TRIM36: variants seen among roughly 807,000 people sequenced by gnomAD.
The protein encoded by TRIM36 is tripartite motif containing 36, also known as E3 ubiquitin-protein ligase TRIM36.
TRIM36 carries 42 observed loss-of-function variants against 72.4 expected under a neutral mutation model. The ratio of observed to expected loss-of-function variants is 0.58; its 90% CI spans 0.45 to 0.75. The LOEUF is 0.75. Among genes scored for constraint, TRIM36 ranks in the 30% least tolerant of loss-of-function variants. TRIM36 has a pLI of 0.00. For synonymous variants in TRIM36, 315 were observed against 282.8 expected (o/e 1.11, Z -1.14); for missense variants, 913 against 857.1 (o/e 1.07, Z -0.81).
chr5:115,146,344 T>C (rs1753592866), intron 3 of TRIM36, among the ~76,000 whole-genome samples: 1 of 152,208 alleles, frequency 6.6e-6, no homozygotes, highest in Admixed American at 6.5e-5. Flanking sequence ...CACTTAAAAA[T>C]GCAAGTAGAT....
intron 8 of TRIM36, among the ~76,000 whole-genome samples, chr5:115,131,505 G>A (rs149910652): frequency 1.3e-3 from 199 of 152,222 alleles, no homozygotes; most frequent in Middle Eastern, 3.4e-3. Context: ...ACTCCCATAA[G>A]TCTGTATCAA....
At position 115,156,277 on chromosome 5, in the gene TRIM36, T is replaced by A. The variant is rs1044425467; in HGVS notation, c.262+7241A>T. Among the ~76,000 whole-genome samples, 10 of 151,512 alleles carry A rather than the reference T, an allele frequency of 6.6e-5. No homozygotes were observed. The East Asian group carries it at 1.9e-3, about 29-fold the overall frequency. On this transcript the variant is annotated intron_variant, in intron 2 of 9. Coordinates refer to ENST00000513154, the MANE Select transcript of TRIM36 (RefSeq NM_001300759.2). Reference sequence around the variant, plus strand: ...AAATTCCATGCAGTCCCCATCAAAATACCACCATCATTCATCACAAATTAA... The same window carrying A: ...AAATTCCATGCAGTCCCCATCAAAAAACCACCATCATTCATCACAAATTAA...
chr5:115,137,310 G>A, intron 6 of TRIM36, 53 bp downstream of exon 6: 1 of 1,555,734 alleles, frequency 6.4e-7, no homozygotes, highest in Admixed American at 1.9e-5. Flanking sequence ...ATACACAGCA[G>A]CATTTAATAA....
chr5:115,144,481 TAACTC>T (rs1753467267), intron 4 of TRIM36, 112 bp downstream of exon 4: 2 of 1,261,510 alleles, frequency 1.6e-6, no homozygotes, highest in East Asian at 5.0e-5. Flanking sequence ...AGTAACACTT[TAACTC>T]ATTTTAGTAC....
At chr5:115,162,533 T>C (rs1409765112) in intron 2 of TRIM36, among the ~76,000 whole-genome samples, 5 of 152,222 alleles carry the variant, frequency 3.3e-5, no homozygotes, top group Non-Finnish European at 7.3e-5. Context: ...AATCTTAACA[T>C]TAAAAGCCTA....
chr5:115,139,642 T>C (rs1340621027), intron 5 of TRIM36, among the ~76,000 whole-genome samples: 1 of 152,212 alleles, frequency 6.6e-6, no homozygotes, highest in Non-Finnish European at 1.5e-5. Context: ...TCATTATAGA[T>C]AGATTTTTTT....
intron 2 of TRIM36, among the ~76,000 whole-genome samples, chr5:115,153,042 C>CAACTGAAT (rs1425624235): frequency 1.3e-5 from 2 of 151,950 alleles, no homozygotes; most frequent in Non-Finnish European, 2.9e-5. Flanking sequence ...ATCTCAATAC[C>CAACTGAAT]AACTGAATGT....
upstream of TRIM36, among the ~76,000 whole-genome samples, chr5:115,171,976 T>C (rs1191122770): frequency 2.0e-5 from 3 of 152,254 alleles, no homozygotes; most frequent in Admixed American, 6.5e-5. Context: ...TAAGACCTTA[T>C]ATTAGTCTAG....
At chr5:115,137,287 A>T in intron 6 of TRIM36, 76 bp downstream of exon 6, 1 of 1,528,170 alleles carries the variant, frequency 6.5e-7, no homozygotes, top group Non-Finnish European at 8.8e-7. Flanking sequence ...GACCAATCAG[A>T]GCTAAAGTGA....
At chr5:115,166,499 C>A (rs1754783128) in intron 1 of TRIM36, among the ~76,000 whole-genome samples, 1 of 152,158 alleles carries the variant, frequency 6.6e-6, no homozygotes, top group South Asian at 2.1e-4. Context: ...AAAGCAGCTA[C>A]CCATGACAGG....
In TRIM36 at chr5:115,137,581, T is replaced by C. The variant is rs751102823; in HGVS notation, c.867A>G (p.Thr289=). The change falls in exon 6 of 10, where the codon ACA becomes ACG. Residue 289 remains threonine (T), a synonymous_variant. Transcript: ENST00000513154. ...GAACTTCAAAGAGCTTTTCAAAATG[T>C]GTAATTGCTTCTTCTTTAGCCCTCT... ...NGERAKEEAI[T]HFEKLFEVLE... is the part of the protein sequence containing the mutation. The C allele has an allele frequency of 2.5e-6, 4 of 1,612,512 alleles. No individual in the cohort carries two copies. Among genetic ancestry groups the C allele is most frequent in the Non-Finnish European group, 3.4e-6 (4 of 1,179,484 alleles).
chr5:115,160,086 GA>G (rs1178784148), intron 2 of TRIM36, among the ~76,000 whole-genome samples: 1 of 151,370 alleles, frequency 6.6e-6, no homozygotes, highest in Non-Finnish European at 1.5e-5. Context: ...AAACTGGGGG[GA>G]AAGCTTACTG....
At chr5:115,151,890 C>G (rs1488710899) in intron 2 of TRIM36, among the ~76,000 whole-genome samples, 2 of 152,188 alleles carry the variant, frequency 1.3e-5, no homozygotes, top group African/African-American at 4.8e-5. Context: ...CAACCTTGAG[C>G]CCTAACATTT....
chr5:115,132,617 T>A (rs189672976), intron 8 of TRIM36, among the ~76,000 whole-genome samples: 3 of 152,034 alleles, frequency 2.0e-5, no homozygotes, highest in Non-Finnish European at 4.4e-5. Flanking sequence ...CTGACCATTC[T>A]TCCTGCTAAT....
At chr5:115,171,606 T>G (rs1755120247), upstream of TRIM36, among the ~76,000 whole-genome samples, 1 of 152,218 alleles carries the variant, frequency 6.6e-6, no homozygotes, top group South Asian at 2.1e-4. Flanking sequence ...GATCCAAAAC[T>G]TATTAGTTGA....
At chr5:115,136,978 T>A in intron 7 of TRIM36, 22 bp downstream of exon 7, 1 of 1,548,690 alleles carries the variant, frequency 6.5e-7, no homozygotes, top group Non-Finnish European at 8.7e-7. Context: ...AGAATGAGGT[T>A]TTTGCCTTCA....
At chr5:115,154,200 A>C (rs906357228) in intron 2 of TRIM36, among the ~76,000 whole-genome samples, 2 of 152,202 alleles carry the variant, frequency 1.3e-5, no homozygotes, top group South Asian at 2.1e-4. Context: ...CTAAGACGAA[A>C]GTTCACAGCC....
At chr5:115,174,631 C>T (rs1755254402), upstream of TRIM36, among the ~76,000 whole-genome samples, 1 of 152,134 alleles carries the variant, frequency 6.6e-6, no homozygotes, top group African/African-American at 2.4e-5. Context: ...TGGCCAAATC[C>T]TCCTCATCTT....
At chr5:115,148,269 A>T (rs1456296640) in intron 2 of TRIM36, 1 of 874,176 alleles carries the variant, frequency 1.1e-6, no homozygotes, top group African/African-American at 1.9e-5. Flanking sequence ...GACCTTAAAC[A>T]TCACATTTTT....
Sources: allele counts gnomAD v4.1 joint callset (sites outside exome capture counted in the v4.1 genomes callset), GRCh38; gene constraint gnomAD v4.1.1; transcripts MANE v1.5; gene names NCBI Gene and HGNC (gene_info 2026-07-23, HGNC 2026-07-21).